The following NEB variants were observed in gnomAD, a reference collection of about 807,000 sequenced individuals.
NEB encodes the protein nebulin.
A neutral mutation model predicts 952.2 loss-of-function variants in NEB; 512 were observed. That is an observed-to-expected ratio of 0.54 (90% CI 0.50 to 0.58). The LOEUF (loss-of-function observed/expected upper bound fraction) is 0.58. Among genes scored for constraint, NEB ranks in the 20% least tolerant of loss-of-function variants. The pLI is 0.00. For missense variants in NEB, 8,428 were observed against 9,231.1 expected, an observed-to-expected ratio of 0.91 and a Z score of 3.56; for synonymous variants, 2,900 against 3,149.8, an observed-to-expected ratio of 0.92 and a Z score of 2.66.
rs2153721591 is a variant in NEB, at chr2:151,563,937, C to G, written c.18472-7G>C. Reference sequence around the variant, plus strand: ...ACGCCCCTTTATACAGTATCTAGAACAAAGAAATACATGGCAACAAAAGTT... The same window carrying G: ...ACGCCCCTTTATACAGTATCTAGAAGAAAGAAATACATGGCAACAAAAGTT... On this transcript the variant is annotated splice_region_variant and splice_polypyrimidine_tract_variant and intron_variant, in intron 117 of 181. Coordinates refer to ENST00000397345, the MANE Select transcript of NEB (RefSeq NM_001164508.2). 1 of 1,578,030 alleles carries G rather than the reference C, an allele frequency of 6.3e-7. No individual in the cohort carries two copies. Among genetic ancestry groups the G allele is most frequent in the South Asian group, 1.2e-5 (1 of 86,864 alleles).
intron 156 of NEB, among the ~76,000 whole-genome samples, chr2:151,517,675 C>T (rs1363237293): frequency 6.6e-6 from 1 of 152,134 alleles, no homozygotes; most frequent in Non-Finnish European, 1.5e-5. Flanking sequence ...AGGCTAGAAA[C>T]CTGTACAGCA....
intron 136 of NEB, 25 bp from the exon 137 acceptor site, chr2:151,540,826 G>T: frequency 1.3e-6 from 2 of 1,552,068 alleles, no homozygotes; most frequent in Non-Finnish European, 1.8e-6. Context: ...AAAGTGAGGT[G>T]TCATAGAGAT....
rs2098177735 is a variant in NEB, at chr2:151,615,892, G to C, written c.11289+110C>G. 3 of 802,734 alleles carry C rather than the reference G, an allele frequency of 3.7e-6. No homozygotes were observed. In the East Asian group the frequency reaches 8.2e-5, roughly 22 times the overall value. The allele number at this position is 802,734 out of a possible 1,614,324, so 49.7% of individuals were successfully genotyped here. On this transcript the variant is annotated intron_variant, in intron 76 of 181. Coordinates refer to ENST00000397345, the MANE Select transcript of NEB (RefSeq NM_001164508.2). ...TTTTGTATAGGGGAAAATCACTAAAGGGAATTGAGACTTATAGGGGTAACT... is the reference window on the plus strand; with the variant it reads ...TTTTGTATAGGGGAAAATCACTAAACGGAATTGAGACTTATAGGGGTAACT...
chr2:151,704,616 C>T (rs538554559), intron 13 of NEB, among the ~76,000 whole-genome samples: 30 of 152,070 alleles, frequency 2.0e-4, no homozygotes, highest in Admixed American at 3.9e-4. Context: ...GGGAGTGACC[C>T]GATTTTCCAG....
At chr2:151,629,460 C>T (rs1016685992) in intron 68 of NEB, 79 bp downstream of exon 68, 70 of 1,171,444 alleles carry the variant, frequency 6.0e-5, no homozygotes, top group Non-Finnish European at 8.1e-5. Flanking sequence ...CTTAAACTGG[C>T]CCCCAAATGT....
intron 48 of NEB, 103 bp from the exon 49 acceptor site, chr2:151,656,567 TAAAAA>T: frequency 1.6e-6 from 1 of 607,960 alleles, no homozygotes; most frequent in Non-Finnish European, 2.3e-6. Context: ...AAAATATAAT[TAAAAA>T]TTATATTTGT....
In NEB at chr2:151,553,894, T is replaced by C. The variant is rs775864153; in HGVS notation, c.19560A>G (p.Glu6520=). The C allele has an allele frequency of 1.1e-5, 17 of 1,613,744 alleles. No individual in the cohort carries two copies. Among genetic ancestry groups the C allele is most frequent in the Non-Finnish European group, 1.1e-5 (13 of 1,179,796 alleles). The change falls in exon 126 of 182, where the codon GAA becomes GAG. Residue 6520 remains glutamate, a synonymous_variant. Coordinates refer to ENST00000397345, the MANE Select transcript of NEB (RefSeq NM_001164508.2). Reference sequence around the variant, plus strand: ...CTTGCAAGTCGGGGTGGCAAATCCATTCGTGGAGGCGCAGGCGGTAATCAA... The same window carrying C: ...CTTGCAAGTCGGGGTGGCAAATCCACTCGTGGAGGCGCAGGCGGTAATCAA... ...SEIDYRLRLH[E]WICHPDLQVN...
At chr2:151,722,327 T>C (rs543114788) in intron 9 of NEB, among the ~76,000 whole-genome samples, 1 of 152,324 alleles carries the variant, frequency 6.6e-6, no homozygotes, top group South Asian at 2.1e-4. Flanking sequence ...CAAGTGGGTC[T>C]CTCTGCTGCT....
At chr2:151,491,650 G>A in intron 179 of NEB, 33 bp downstream of exon 179, 1 of 1,474,214 alleles carries the variant, frequency 6.8e-7, no homozygotes, top group Non-Finnish European at 9.3e-7. Flanking sequence ...AAATGGTGAT[G>A]TTTATGTTGT....
intron 81 of NEB, among the ~76,000 whole-genome samples, chr2:151,609,404 A>G (rs1171296581): frequency 6.6e-6 from 1 of 152,072 alleles, no homozygotes; most frequent in Admixed American, 6.6e-5. Context: ...GCCATGAATA[A>G]TAATATATAT....
intron 127 of NEB, among the ~76,000 whole-genome samples, 161 bp from the exon 128 acceptor site, chr2:151,552,937 C>T (rs2095423343): frequency 6.6e-6 from 1 of 152,136 alleles, no homozygotes; most frequent in African/African-American, 2.4e-5. Context: ...GTGTAACCAA[C>T]ACTTATATGG....
Position 151,690,846 on chromosome 2 carries a change from T to C in NEB, c.2212-21A>G, listed in dbSNP as rs539013258. 1.7e-5 allele frequency: 26 copies of C among 1,490,012 alleles called. No individual in the cohort carries two copies. The South Asian group carries it at 3.1e-4, about 18-fold the overall frequency. The allele number at this position is 1,490,012 out of a possible 1,614,324, so 92.3% of individuals were successfully genotyped here. A position where few individuals can be genotyped will look rare whatever the true frequency, so the allele number is the denominator to read the frequency against. On this transcript the variant is annotated intron_variant, in intron 23 of 181. Coordinates refer to ENST00000397345, the MANE Select transcript of NEB (RefSeq NM_001164508.2). ...GTATGCTAGAAAAGAAGATGTTCTT[T>C]AATGAAATATCAGTATATTCTTGGT... is the stretch of plus-strand genomic sequence containing the variant.
chr2:151,611,632 T>C (rs146736340), intron 78 of NEB, among the ~76,000 whole-genome samples: 56 of 152,298 alleles, frequency 3.7e-4, no homozygotes, highest in African/African-American at 1.3e-3. Context: ...TAAAAATAGA[T>C]TGATAAAATT....
intron 146 of NEB, 22 bp from the exon 147 acceptor site, chr2:151,527,607 G>T (rs769520337): frequency 6.4e-6 from 10 of 1,566,012 alleles, no homozygotes; most frequent in Non-Finnish European, 7.9e-6. Flanking sequence ...AGGAGAGAAA[G>T]GAATCACTTG....
At chr2:151,615,605 C>T (rs749054242) in intron 76 of NEB, among the ~76,000 whole-genome samples, 1 of 152,148 alleles carries the variant, frequency 6.6e-6, no homozygotes, top group Non-Finnish European at 1.5e-5. Context: ...GAAGAGTTTA[C>T]ATGTATATTG....
Position 151,662,224 on chromosome 2 carries a change from G to A in NEB, c.5881C>T (p.Arg1961Cys), listed in dbSNP as rs371938654. 5.2e-5 allele frequency: 84 copies of A among 1,613,458 alleles called. No individual in the cohort carries two copies. Among genetic ancestry groups the A allele is most frequent in the African/African-American group, 8.0e-5 (6 of 74,858 alleles). The change falls in exon 46 of 182, where the codon CGC becomes TGC. Residue 1961 changes from arginine (R) to cysteine (C), a missense_variant. By Grantham distance (180) the Arg-to-Cys change is radical. Transcript: ENST00000397345. Reference sequence around the variant, plus strand: ...TACTTCAAAGTGTCTGGGTGCTGGCGGTACTTCTTTTCACTAATAATCTCC... The same window carrying A: ...TACTTCAAAGTGTCTGGGTGCTGGCAGTACTTCTTTTCACTAATAATCTCC... ...AMEIISEKKY[R>C]QHPDTLKYST...
At chr2:151,707,056 T>A in intron 12 of NEB, 59 bp from the exon 13 acceptor site, 1 of 1,044,966 alleles carries the variant, frequency 9.6e-7, no homozygotes, top group Non-Finnish European at 1.4e-6. Context: ...CCCCCGTCTC[T>A]ATTATGAATA....
chr2:151,715,506 T>A (rs1241126846), intron 10 of NEB, among the ~76,000 whole-genome samples: 2 of 152,042 alleles, frequency 1.3e-5, no homozygotes, highest in African/African-American at 4.8e-5. Context: ...TAAGTTTAGG[T>A]GAGGTCATGA....
In NEB at chr2:151,561,025, G is replaced by T; in HGVS notation, c.19185C>A (p.Asn6395Lys). ...LETVDYDRTR[N>K]LKNLYSSNLY... ...TCACACTGCTGTAAAGATTCTTCAG[G>T]TTTCTGGTTCTGTCATAATCCACTG... Residue 6395 changes from asparagine (N) to lysine (K), a missense_variant, in exon 123 of 182, where the codon AAC becomes AAA. By Grantham distance (94) the Asn-to-Lys change is moderately conservative. Around this residue, in one of 11 missense-constraint regions of NEB, gnomAD observed 3,374 missense variants for 3,651.5 expected, o/e 0.92. Coordinates refer to ENST00000397345, the MANE Select transcript of NEB (RefSeq NM_001164508.2). 6.2e-7 allele frequency: 1 copy of T among 1,607,230 alleles called. No homozygotes were observed. The highest frequency in any genetic ancestry group is 1.1e-5 in the South Asian group (1 of 90,290).
Sources: allele counts gnomAD v4.1 joint callset (sites outside exome capture counted in the v4.1 genomes callset), GRCh38; gene constraint gnomAD v4.1.1; regional missense constraint gnomAD v4.1.1; transcripts MANE v1.5; gene names NCBI Gene and HGNC (gene_info 2026-07-23, HGNC 2026-07-21).